ZSWIM5: variants seen among roughly 807,000 people sequenced by gnomAD.
The protein encoded by ZSWIM5 is zinc finger SWIM domain-containing protein 5.
Under a neutral mutation model 119.6 loss-of-function variants are expected in ZSWIM5, and 55 were observed. The ratio of observed to expected loss-of-function variants is 0.46; its 90% CI spans 0.37 to 0.58. The LOEUF is 0.58. ZSWIM5 is among the 20% of genes least tolerant of loss of function. ZSWIM5 has a pLI of 0.00. For missense variants in ZSWIM5, 1,193 were observed against 1,512.8 expected (o/e 0.79, Z 3.51); for synonymous variants, 537 against 606.9 (o/e 0.88, Z 1.69).
intron 2 of ZSWIM5, among the ~76,000 whole-genome samples, chr1:45,064,630 C>A (rs774540030): frequency 6.6e-6 from 1 of 152,076 alleles, no homozygotes; most frequent in South Asian, 2.1e-4. Context: ...TCCTTGAGGG[C>A]AAAAGTTTTT....
rs1644869825 is a variant in ZSWIM5, at chr1:45,018,705, T to C, written c.3307A>G (p.Thr1103Ala). 1.2e-6 allele frequency: 2 copies of C among 1,614,108 alleles called. No homozygotes were observed. The highest frequency in any genetic ancestry group is 1.3e-5 in the African/African-American group (1 of 74,940). Reference protein sequence around the residue: ...GRRSSGKLMSTDKAPLRQLLD... With the variant: ...GRRSSGKLMSADKAPLRQLLD... ...AACTGGCGCAATGGAGCTTTGTCAGTGGACATGAGCTTTCCAGAGCTTCGG... is the reference window on the plus strand; with the variant it reads ...AACTGGCGCAATGGAGCTTTGTCAGCGGACATGAGCTTTCCAGAGCTTCGG... Residue 1103 changes from threonine to alanine, a missense_variant, in exon 14 of 14, where the codon ACT (threonine) becomes GCT (alanine). By Grantham distance (58) the Thr-to-Ala change is moderately conservative (BLOSUM62 0). Coordinates refer to ENST00000359600, the MANE Select transcript of ZSWIM5 (RefSeq NM_020883.2). The surrounding 1 kb of genome is among the most constrained non-coding windows in gnomAD (Gnocchi z 6.7).
intron 11 of ZSWIM5, among the ~76,000 whole-genome samples, chr1:45,029,111 C>A (rs1028480410): frequency 2.6e-5 from 4 of 152,182 alleles, no homozygotes; most frequent in Non-Finnish European, 4.4e-5. Flanking sequence ...ACAAGACAAC[C>A]ATCAAAAGCA....
chr1:45,106,640 C>T lies in ZSWIM5; in HGVS notation c.596-18403G>A, dbSNP rs187586131. Among the ~76,000 whole-genome samples, 759 of 151,230 alleles carry T rather than the reference C, an allele frequency of 5.0e-3. 23 individuals are homozygous for T. Among genetic ancestry groups the T allele is most frequent in the East Asian group, 0.046 (233 of 5,086 alleles). On this transcript the variant is annotated intron_variant, in intron 1 of 13. Transcript: ENST00000359600. ...CTGGGAAGTGAGGCGCGCCTCTGCCCGGCCGCCCCGTCTGGGAAGTGAGGA... is the reference window on the plus strand; with the variant it reads ...CTGGGAAGTGAGGCGCGCCTCTGCCTGGCCGCCCCGTCTGGGAAGTGAGGA...
At chr1:45,102,832 G>A (rs1048296517) in intron 1 of ZSWIM5, among the ~76,000 whole-genome samples, 2 of 152,096 alleles carry the variant, frequency 1.3e-5, no homozygotes, top group African/African-American at 4.8e-5. Context: ...TTTCCATAAT[G>A]TATGTATATA....
At chr1:45,162,117 C>T (rs1645867255) in intron 1 of ZSWIM5, among the ~76,000 whole-genome samples, 3 of 152,316 alleles carry the variant, frequency 2.0e-5, no homozygotes, top group South Asian at 2.1e-4. Context: ...TGTCACCATA[C>T]TTGTTATTAA....
chr1:45,121,602 CTT>C (rs199811301), intron 1 of ZSWIM5, among the ~76,000 whole-genome samples: 23 of 136,416 alleles, frequency 1.7e-4, no homozygotes, highest in Non-Finnish European at 1.6e-4. Flanking sequence ...TTTTCTTCTT[CTT>C]TTTTTTTTTT....
intron 1 of ZSWIM5, among the ~76,000 whole-genome samples, chr1:45,139,008 C>T (rs765644532): frequency 2.0e-5 from 3 of 150,866 alleles, no homozygotes; most frequent in Non-Finnish European, 3.0e-5. Context: ...TTTCCAGCCT[C>T]GTAGCTGGGA....
At chr1:45,136,256 A>G (rs998295806) in intron 1 of ZSWIM5, among the ~76,000 whole-genome samples, 1 of 152,176 alleles carries the variant, frequency 6.6e-6, no homozygotes, top group East Asian at 1.9e-4. Flanking sequence ...ACTTCCTTTC[A>G]GCCAGCTACA....
intron 1 of ZSWIM5, among the ~76,000 whole-genome samples, chr1:45,165,615 T>A (rs1645896747): frequency 6.6e-6 from 1 of 151,550 alleles, no homozygotes; most frequent in Non-Finnish European, 1.5e-5. Flanking sequence ...ATAGATGCAA[T>A]AAAAAATGAT....
intron 5 of ZSWIM5, among the ~76,000 whole-genome samples, chr1:45,050,749 A>G (rs1425320935): frequency 6.6e-6 from 1 of 152,152 alleles, no homozygotes; most frequent in Non-Finnish European, 1.5e-5. Flanking sequence ...GCTAAAACCA[A>G]CCCCAACTGA....
In ZSWIM5 at chr1:45,035,685, C is replaced by T; in HGVS notation, c.2291+3G>A. The T allele has an allele frequency of 1.2e-6, 2 of 1,612,862 alleles. No individual in the cohort carries two copies. Among genetic ancestry groups the T allele is most frequent in the Non-Finnish European group, 1.7e-6 (2 of 1,179,852 alleles). ...GCAATTGGACTGGGAAAGGGCTACC[C>T]ACCTCATGGCACGTAAGGCTAATTT... On this transcript the variant is annotated splice_donor_region_variant and intron_variant, in intron 10 of 13. Transcript: ENST00000359600.
At chr1:45,031,763 C>T (rs1167133203) in intron 11 of ZSWIM5, among the ~76,000 whole-genome samples, 3 of 149,428 alleles carry the variant, frequency 2.0e-5, no homozygotes, top group Non-Finnish European at 4.4e-5. Context: ...TGGCATGAAC[C>T]TAGGGGGTGG....
intron 1 of ZSWIM5, among the ~76,000 whole-genome samples, chr1:45,162,765 C>A (rs528051213): frequency 1.3e-5 from 2 of 152,302 alleles, no homozygotes; most frequent in Non-Finnish European, 2.9e-5. Flanking sequence ...AGCAGCCAGG[C>A]TGGGGGAGGG....
At chr1:45,136,944 T>A (rs1194706639) in intron 1 of ZSWIM5, among the ~76,000 whole-genome samples, 6 of 152,196 alleles carry the variant, frequency 3.9e-5, no homozygotes, top group Non-Finnish European at 8.8e-5. Context: ...TTTCTCAGCC[T>A]CTTATCCTTG....
chr1:45,106,162 C>T (rs150217985), intron 1 of ZSWIM5, among the ~76,000 whole-genome samples: 1,469 of 142,320 alleles, frequency 0.01, 83 homozygotes, highest in African/African-American at 0.038. Context: ...TCTGCCCGGC[C>T]GCCCCGTCGG....
At chr1:45,053,403 TAA>T (rs1645101196) in intron 4 of ZSWIM5, among the ~76,000 whole-genome samples, 1 of 151,888 alleles carries the variant, frequency 6.6e-6, no homozygotes, top group Non-Finnish European at 1.5e-5. Flanking sequence ...GCTTAAGAGG[TAA>T]AGAAACAGGG....
At chr1:45,062,787 A>G (rs1331813701) in intron 2 of ZSWIM5, among the ~76,000 whole-genome samples, 1 of 152,100 alleles carries the variant, frequency 6.6e-6, no homozygotes, top group East Asian at 1.9e-4. Flanking sequence ...TACAGGCATA[A>G]CCCACCATAC....
intron 1 of ZSWIM5, among the ~76,000 whole-genome samples, chr1:45,196,325 T>G (rs116719334): frequency 0.012 from 1,695 of 146,222 alleles, 39 homozygotes; most frequent in East Asian, 0.087. Context: ...GTTTTTTTGG[T>G]TTTTTTTTAA....
chr1:45,115,968 C>T (rs746702783), intron 1 of ZSWIM5, among the ~76,000 whole-genome samples: 15 of 152,294 alleles, frequency 9.8e-5, no homozygotes, highest in Middle Eastern at 3.4e-3. Flanking sequence ...ACCAGTCAGG[C>T]GTGGTGGCGC....
Sources: gnomAD v4.1 joint callset for allele counts (sites outside exome capture counted in the v4.1 genomes callset) on GRCh38, gnomAD v4.1.1 for gene constraint, Gnocchi (gnomAD v3.1) non-coding constraint, MANE v1.5 for transcripts, NCBI Gene and HGNC (gene_info 2026-07-23, HGNC 2026-07-21) for gene names.